SNX18: variants seen among roughly 807,000 people sequenced by gnomAD.
SNX18 encodes the protein sorting nexin 18.
A neutral mutation model predicts 48.7 loss-of-function variants in SNX18; 35 were observed. That is an observed-to-expected ratio of 0.72 (90% CI 0.55 to 0.95). SNX18 has a LOEUF of 0.95. Among genes scored for constraint, SNX18 ranks in the 40% least tolerant of loss-of-function variants. The pLI is 0.00. For synonymous variants in SNX18, 492 were observed against 384.7 expected (o/e 1.28, Z -3.26); for missense variants, 824 against 871.0 (o/e 0.95, Z 0.68).
At chr5:54,521,115 C>T (rs541677116) in intron 1 of SNX18, 1 of 152,460 alleles carries the variant, frequency 6.6e-6, no homozygotes, top group East Asian at 1.9e-4. Flanking sequence ...ATTTAAATTC[C>T]ATTGTGTTAC....
the SNX18 span, among the ~76,000 whole-genome samples, chr5:54,583,060 A>G: frequency 6.6e-6 from 1 of 152,216 alleles, no homozygotes; most frequent in Admixed American, 6.5e-5. Flanking sequence ...ATGTCCTTGT[A>G]TTATTCACCA....
intron 1 of SNX18, among the ~76,000 whole-genome samples, chr5:54,538,313 G>A (rs1762395806): frequency 6.6e-6 from 1 of 152,228 alleles, no homozygotes; most frequent in Admixed American, 6.5e-5. Context: ...TAGGAGCTCA[G>A]TGGGCAGAGG....
chr5:54,634,750 T>TA, the SNX18 span, among the ~76,000 whole-genome samples: 46 of 151,266 alleles, frequency 3.0e-4, no homozygotes, highest in African/African-American at 9.7e-4. Context: ...CATCCCAAAT[T>TA]AAAAAAAAAT....
chr5:54,525,889 T>G (rs1762123209), intron 1 of SNX18, among the ~76,000 whole-genome samples: 1 of 152,220 alleles, frequency 6.6e-6, no homozygotes. Flanking sequence ...TGAAAAGCCC[T>G]TATCAGTTGA....
At chr5:54,634,862 G>A in the SNX18 span, among the ~76,000 whole-genome samples, 1 of 151,942 alleles carries the variant, frequency 6.6e-6, no homozygotes, top group Non-Finnish European at 1.5e-5. Context: ...GCATCTTTAG[G>A]ATAATTAATG....
chr5:54,597,048 G>A, the SNX18 span, among the ~76,000 whole-genome samples: 1 of 152,134 alleles, frequency 6.6e-6, no homozygotes, highest in Non-Finnish European at 1.5e-5. Flanking sequence ...CAAAATAAAA[G>A]GATGGAAGAA....
At chr5:54,531,324 G>C (rs985978893) in intron 1 of SNX18, among the ~76,000 whole-genome samples, 1 of 152,128 alleles carries the variant, frequency 6.6e-6, no homozygotes, top group Non-Finnish European at 1.5e-5. Context: ...AGAAAGTAGT[G>C]AAGCCAGTGA....
chr5:54,562,564 C>T, the SNX18 span, among the ~76,000 whole-genome samples: 1 of 152,158 alleles, frequency 6.6e-6, no homozygotes, highest in African/African-American at 2.4e-5. Context: ...TAATGCAGCA[C>T]AACGCGTTTC....
chr5:54,534,903 A>G (rs1762324810), intron 1 of SNX18, among the ~76,000 whole-genome samples: 1 of 152,194 alleles, frequency 6.6e-6, no homozygotes, highest in African/African-American at 2.4e-5. Context: ...CATTCTAGAA[A>G]AAAATTGGCA....
chr5:54,587,058 G>C, the SNX18 span, among the ~76,000 whole-genome samples: 2 of 151,302 alleles, frequency 1.3e-5, no homozygotes, highest in Non-Finnish European at 2.9e-5. Flanking sequence ...CCTGATGGCA[G>C]AGTTAAAGCC....
chr5:54,594,716 C>T, the SNX18 span, among the ~76,000 whole-genome samples: 1 of 152,124 alleles, frequency 6.6e-6, no homozygotes, highest in East Asian at 1.9e-4. Flanking sequence ...ATTTCAACTT[C>T]TATTTTAGAT....
At chr5:54,609,244 T>A in the SNX18 span, among the ~76,000 whole-genome samples, 1 of 152,228 alleles carries the variant, frequency 6.6e-6, no homozygotes, top group African/African-American at 2.4e-5. Context: ...TTATATTTAA[T>A]TTTAATTAAT....
chr5:54,606,540 G>T, the SNX18 span, among the ~76,000 whole-genome samples: 1 of 152,190 alleles, frequency 6.6e-6, no homozygotes, highest in Non-Finnish European at 1.5e-5. Context: ...CAATTCAGAG[G>T]CATTCACTCA....
the SNX18 span, among the ~76,000 whole-genome samples, chr5:54,554,942 A>G: frequency 0.29 from 43,664 of 152,096 alleles, 6,956 homozygotes; most frequent in East Asian, 0.36. Context: ...TTTATCGTCA[A>G]GGTAGGAAAA....
chr5:54,555,749 C>A, the SNX18 span, among the ~76,000 whole-genome samples: 1 of 151,470 alleles, frequency 6.6e-6, no homozygotes. Context: ...ATCAGTTGAA[C>A]CCAGAAGGCG....
chr5:54,602,963 C>T, the SNX18 span, among the ~76,000 whole-genome samples: 1 of 152,204 alleles, frequency 6.6e-6, no homozygotes, highest in Non-Finnish European at 1.5e-5. Flanking sequence ...TGTATCGAGC[C>T]CTCTCCTGCC....
chr5:54,541,247 C>T (rs1274545887), intron 1 of SNX18, among the ~76,000 whole-genome samples: 4 of 152,040 alleles, frequency 2.6e-5, no homozygotes, highest in Non-Finnish European at 5.9e-5. Context: ...AGGCTGGTCT[C>T]GATCTCCTGA....
chr5:54,608,345 C>G, the SNX18 span, among the ~76,000 whole-genome samples: 1 of 152,102 alleles, frequency 6.6e-6, no homozygotes. Flanking sequence ...GTCTTTTGCC[C>G]ATTTTCTAAT....
chr5:54,541,380 A>G (rs1399526718), intron 1 of SNX18, among the ~76,000 whole-genome samples: 1 of 152,222 alleles, frequency 6.6e-6, no homozygotes, highest in African/African-American at 2.4e-5. Flanking sequence ...AACCTGTACA[A>G]ATATAACAAA....
Sources: gnomAD v4.1 joint callset for allele counts (sites outside exome capture counted in the v4.1 genomes callset) on GRCh38, gnomAD v4.1.1 for gene constraint, MANE v1.5 for transcripts, NCBI Gene and HGNC (gene_info 2026-07-23, HGNC 2026-07-21) for gene names.